The following DCDC1 variants were observed in gnomAD, a reference collection of about 807,000 sequenced individuals.
DCDC1 encodes doublecortin domain containing 1, also known as doublecortin domain-containing protein 1.
In DCDC1, 200 loss-of-function variants were observed where a neutral mutation model predicts 178.3. The observed-to-expected ratio is 1.12, with a 90% confidence interval of 1.00 to 1.26. The LOEUF (loss-of-function observed/expected upper bound fraction) is 1.26. DCDC1 is among the 50% of genes most tolerant of loss of function. The pLI, the probability that DCDC1 is intolerant of heterozygous loss-of-function variation, is 0.00. For missense variants in DCDC1, 1,983 were observed against 1,749.2 expected (o/e 1.13, Z -2.38); for synonymous variants, 690 against 604.8 (o/e 1.14, Z -2.07).
intron 9 of DCDC1, among the ~76,000 whole-genome samples, chr11:31,165,617 C>G (rs1966712627): frequency 6.6e-6 from 1 of 152,148 alleles, no homozygotes; most frequent in African/African-American, 2.4e-5. Flanking sequence ...GGCTGAAAGC[C>G]ATTTTTTTAA....
At chr11:31,359,586 G>GA (rs996106837) in intron 1 of DCDC1, among the ~76,000 whole-genome samples, 5 of 150,282 alleles carry the variant, frequency 3.3e-5, no homozygotes, top group Admixed American at 6.6e-5. Context: ...AAGTATAACA[G>GA]AAAAAAAAAG....
At chr11:30,997,677 C>T (rs751337394) in intron 20 of DCDC1, among the ~76,000 whole-genome samples, 11 of 152,234 alleles carry the variant, frequency 7.2e-5, no homozygotes, top group South Asian at 4.1e-4. Flanking sequence ...CCTGGCTTCT[C>T]GCTATCAGAG....
At position 31,090,732 on chromosome 11, in the gene DCDC1, A is replaced by G. The variant is rs185959509; in HGVS notation, c.2237+661T>C. Among the ~76,000 whole-genome samples the G allele has an allele frequency of 1.1e-3, 160 of 152,312 alleles. 2 individuals are homozygous for G. The East Asian group carries it at 0.025, about 24-fold the overall frequency. On this transcript the variant is annotated intron_variant, in intron 17 of 38. Coordinates refer to ENST00000684477, the MANE Select transcript of DCDC1 (RefSeq NM_001387274.1). ...ATGATTGCAGCCTAAGCATATCCTA[A>G]GTGCCTATATAGCCAGAAGTAGTTG...
chr11:31,131,166 G>C (rs1962378813), intron 10 of DCDC1, among the ~76,000 whole-genome samples: 1 of 128,090 alleles, frequency 7.8e-6, no homozygotes, highest in Non-Finnish European at 1.6e-5. Flanking sequence ...TCCGGCCTGG[G>C]CGACAGAGCG....
At chr11:31,263,122 A>C (rs1944905346) in intron 8 of DCDC1, 2 of 1,584,076 alleles carry the variant, frequency 1.3e-6, no homozygotes, top group African/African-American at 1.3e-5. Flanking sequence ...GGAGAAAAAT[A>C]AACTTTCTAA....
At chr11:31,226,281 GA>G (rs1974939871) in intron 9 of DCDC1, among the ~76,000 whole-genome samples, 2 of 150,496 alleles carry the variant, frequency 1.3e-5, no homozygotes, top group Admixed American at 6.6e-5. Context: ...AAAAGGACTG[GA>G]AAAAAAATAA....
chr11:31,314,066 G>T (rs941655829), intron 3 of DCDC1, among the ~76,000 whole-genome samples: 1 of 152,110 alleles, frequency 6.6e-6, no homozygotes, highest in Non-Finnish European at 1.5e-5. Context: ...CCACATGAAG[G>T]AATGTGCTTC....
chr11:31,327,306 T>C (rs111292717), intron 3 of DCDC1, among the ~76,000 whole-genome samples: 1 of 152,116 alleles, frequency 6.6e-6, no homozygotes, highest in African/African-American at 2.4e-5. Flanking sequence ...GTAGCTGGGA[T>C]TACAGGCATA....
intron 6 of DCDC1, among the ~76,000 whole-genome samples, chr11:31,293,024 T>A (rs545459137): frequency 6.6e-6 from 1 of 152,280 alleles, no homozygotes; most frequent in African/African-American, 2.4e-5. Flanking sequence ...AGATGCACTA[T>A]ACCTCCCTGA....
chr11:31,165,644 T>A (rs1245773254), intron 9 of DCDC1, among the ~76,000 whole-genome samples: 3 of 152,200 alleles, frequency 2.0e-5, no homozygotes, highest in East Asian at 3.8e-4. Context: ...TTTTTAGAAC[T>A]TTTTGTACAT....
chr11:31,262,430 T>C (rs899611130), intron 8 of DCDC1, among the ~76,000 whole-genome samples: 1 of 152,208 alleles, frequency 6.6e-6, no homozygotes, highest in Non-Finnish European at 1.5e-5. Flanking sequence ...AACTTAAAAG[T>C]ATATCTAATT....
chr11:31,143,844 G>C (rs909480814), intron 9 of DCDC1, among the ~76,000 whole-genome samples: 6 of 152,146 alleles, frequency 3.9e-5, no homozygotes, highest in Admixed American at 2.0e-4. Context: ...CTAAGACATT[G>C]AGCAATAGTG....
At chr11:30,882,666 A>C (rs187375927) in intron 36 of DCDC1, 1 of 152,296 alleles carries the variant, frequency 6.6e-6, no homozygotes, top group East Asian at 1.9e-4. Flanking sequence ...TAGGGTCACC[A>C]AAGAGAACTA....
At chr11:31,164,867 A>G (rs1316103362) in intron 9 of DCDC1, among the ~76,000 whole-genome samples, 1 of 152,176 alleles carries the variant, frequency 6.6e-6, no homozygotes, top group African/African-American at 2.4e-5. Flanking sequence ...TCACTGACTT[A>G]CCTAGAGCAA....
intron 6 of DCDC1, among the ~76,000 whole-genome samples, chr11:31,303,063 C>T (rs1254176272): frequency 6.6e-6 from 1 of 152,140 alleles, no homozygotes; most frequent in African/African-American, 2.4e-5. Context: ...TATCCCTATG[C>T]TGGGGCACAC....
chr11:30,984,963 C>A (rs931326850), intron 20 of DCDC1, among the ~76,000 whole-genome samples: 1 of 152,126 alleles, frequency 6.6e-6, no homozygotes, highest in African/African-American at 2.4e-5. Context: ...TGGTGAGTTC[C>A]CAGGGTCTCA....
At chr11:31,345,383 G>A (rs1402911810) in intron 1 of DCDC1, among the ~76,000 whole-genome samples, 1 of 152,144 alleles carries the variant, frequency 6.6e-6, no homozygotes, top group Non-Finnish European at 1.5e-5. Context: ...ATATGTGTAC[G>A]TGTGACACCT....
At chr11:30,899,147 A>G (rs1485195804) in intron 34 of DCDC1, among the ~76,000 whole-genome samples, 1 of 152,064 alleles carries the variant, frequency 6.6e-6, no homozygotes, top group African/African-American at 2.4e-5. Flanking sequence ...AAACAAAAAA[A>G]AAAACTTCTT....
rs779397584 is a variant in DCDC1 at position 31,106,782 on chromosome 11, A to C, written c.1751+15T>G. 9 of 764,072 alleles carry C rather than the reference A, an allele frequency of 1.2e-5. No homozygotes were observed. Among genetic ancestry groups the C allele is most frequent in the Non-Finnish European group, 2.2e-5 (9 of 417,366 alleles). The allele number at this position is 764,072 out of a possible 1,614,324, so 47.3% of individuals were successfully genotyped here. On this transcript the variant is annotated intron_variant, in intron 13 of 38. Coordinates refer to ENST00000684477, the MANE Select transcript of DCDC1 (RefSeq NM_001387274.1). ...TGGAAAGATTGAGGACAGAAAACAA[A>C]CCCCTTGCTCCTACCTGTATGCTCT...
Sources: allele counts gnomAD v4.1 joint callset (sites outside exome capture counted in the v4.1 genomes callset), GRCh38; gene constraint gnomAD v4.1.1; transcripts MANE v1.5; gene names NCBI Gene and HGNC (gene_info 2026-07-23, HGNC 2026-07-21).